LRP2: variants seen among roughly 807,000 people sequenced by gnomAD.
The protein encoded by LRP2 is LDL receptor related protein 2.
A neutral mutation model predicts 531.0 loss-of-function variants in LRP2; 172 were observed. That is an observed-to-expected ratio of 0.32 (90% confidence interval 0.29 to 0.37). The LOEUF (loss-of-function observed/expected upper bound fraction) is 0.37. Ranked by LOEUF, LRP2 falls within the 10% of genes least tolerant of loss-of-function variation. The pLI, the probability that LRP2 is intolerant of heterozygous loss-of-function variation, is 1.00. For synonymous variants in LRP2, 1,992 were observed against 2,027.6 expected (o/e 0.98, Z 0.47); for missense variants, 5,167 against 5,868.3 (o/e 0.88, Z 3.90).
At chr2:169,247,087 CA>C in intron 20 of LRP2, 101 bp from the exon 21 acceptor site, 1 of 1,345,050 alleles carries the variant, frequency 7.4e-7, no homozygotes, top group Non-Finnish European at 1.0e-6. Context: ...AAACATTTTT[CA>C]GACCCAATAC....
intron 63 of LRP2, among the ~76,000 whole-genome samples, chr2:169,161,293 A>G (rs1233557129): frequency 3.9e-5 from 6 of 152,236 alleles, no homozygotes; most frequent in Admixed American, 3.9e-4. Context: ...TAACTTGAGT[A>G]ACACATTAAA....
chr2:169,178,984 G>GATTGATTT lies in LRP2; in HGVS notation c.10170-959_10170-958insAAATCAAT, dbSNP rs1687319716. On this transcript the variant is annotated intron_variant, in intron 52 of 78. Transcript: ENST00000649046. ...AATGACCAGAAATTAGTCACCATCT[G>GATTGATTT]ATTTATTTATTTATTTATTTATTTA... Among the ~76,000 whole-genome samples, 9 of 146,096 alleles carry GATTGATTT rather than the reference G, an allele frequency of 6.2e-5. 1 individual carries two copies. The Middle Eastern group carries it at 0.014, about 227-fold the overall frequency.
intron 48 of LRP2, among the ~76,000 whole-genome samples, chr2:169,189,664 A>T (rs1687763153): frequency 6.6e-6 from 1 of 152,188 alleles, no homozygotes; most frequent in African/African-American, 2.4e-5. Flanking sequence ...CTCCTGTCCC[A>T]CTGTACCAAA....
rs563096733 is a variant in LRP2 at position 169,267,248 on chromosome 2, G to A, written c.2320+3656C>T. Among the ~76,000 whole-genome samples, 7 of 152,078 alleles carry A rather than the reference G, an allele frequency of 4.6e-5. No individual in the cohort carries two copies. The East Asian group carries it at 1.4e-3, about 29-fold the overall frequency. On this transcript the variant is annotated intron_variant, in intron 16 of 78. Transcript: ENST00000649046. ...TTCTCAATCTAAAACTATTTAGGAA[G>A]CTTAGTAAAATCTCTGCTTACATAA...
chr2:169,149,783 C>A (rs1272221065), intron 68 of LRP2, among the ~76,000 whole-genome samples: 4 of 151,496 alleles, frequency 2.6e-5, no homozygotes, highest in Non-Finnish European at 5.9e-5. Flanking sequence ...TTGCAGTGAG[C>A]CGAGATCATG....
intron 33 of LRP2, 45 bp downstream of exon 33, chr2:169,225,265 A>G (rs1271615708): frequency 6.3e-7 from 1 of 1,593,224 alleles, no homozygotes. Flanking sequence ...AGTTTACATC[A>G]ATCTAAATCC....
chr2:169,328,461 A>AG (rs1286012065), intron 1 of LRP2, among the ~76,000 whole-genome samples: 18 of 147,130 alleles, frequency 1.2e-4, no homozygotes, highest in Admixed American at 2.0e-4. Flanking sequence ...AAAAAAAAAA[A>AG]AAAGAAAAAA....
At chr2:169,265,337 A>G (rs1574197947) in intron 16 of LRP2, among the ~76,000 whole-genome samples, 1 of 152,070 alleles carries the variant, frequency 6.6e-6, no homozygotes, top group Non-Finnish European at 1.5e-5. Flanking sequence ...CCTGAAGCTC[A>G]CCAGCTGACA....
At position 169,181,678 on chromosome 2, in the gene LRP2, A is replaced by C. The variant is rs572042820; in HGVS notation, c.9999-60T>G. The C allele has an allele frequency of 6.2e-6, 9 of 1,460,136 alleles. No homozygotes were observed. In the East Asian group the frequency reaches 6.8e-5, roughly 11 times the overall value. 90.4% of individuals were successfully genotyped at this position (1,460,136 alleles called of 1,614,324 possible). On this transcript the variant is annotated intron_variant, in intron 51 of 78. Transcript: ENST00000649046. ...GCCAAAAGAAGTCAGTAGCCAAAAT[A>C]CACACCTTTTCTCCATTTAGAGAAA... is the stretch of plus-strand genomic sequence containing the variant.
At chr2:169,320,649 C>T in intron 2 of LRP2, 128 bp downstream of exon 2, 1 of 771,190 alleles carries the variant, frequency 1.3e-6, no homozygotes. Flanking sequence ...ACACAGATCT[C>T]AAAAGACTTG....
At chr2:169,254,687 T>C (rs1690234010) in intron 19 of LRP2, among the ~76,000 whole-genome samples, 2 of 148,686 alleles carry the variant, frequency 1.3e-5, no homozygotes, top group African/African-American at 5.0e-5. Context: ...TAAATAATTA[T>C]TGCTATTTTG....
At chr2:169,280,123 C>T (rs1009305964) in intron 11 of LRP2, among the ~76,000 whole-genome samples, 1 of 152,056 alleles carries the variant, frequency 6.6e-6, no homozygotes, top group South Asian at 2.1e-4. Flanking sequence ...GACTCCACTT[C>T]GAATAAAATT....
chr2:169,231,855 G>A lies in LRP2; in HGVS notation c.5099-13C>T. On this transcript the variant is annotated splice_polypyrimidine_tract_variant and intron_variant, in intron 30 of 78. Coordinates refer to ENST00000649046, the MANE Select transcript of LRP2 (RefSeq NM_004525.3). ...CATGGATTCACGGCTGCATGAGAAAGAGAAGAAAGCACCAGTAAGTGGAAA... is the reference window on the plus strand; with the variant it reads ...CATGGATTCACGGCTGCATGAGAAAAAGAAGAAAGCACCAGTAAGTGGAAA... 1.2e-6 allele frequency: 2 copies of A among 1,613,688 alleles called. No homozygotes were observed. The highest frequency in any genetic ancestry group is 8.5e-7 in the Non-Finnish European group (1 of 1,179,772).
At chr2:169,229,549 G>T (rs1559029251) in intron 31 of LRP2, among the ~76,000 whole-genome samples, 2 of 152,190 alleles carry the variant, frequency 1.3e-5, no homozygotes, top group Non-Finnish European at 2.9e-5. Context: ...TAGGGGTGCT[G>T]AGGTGATGTT....
In LRP2 at chr2:169,290,858, G is replaced by C; in HGVS notation, c.909C>G (p.Thr303=). The change falls in exon 8 of 79, where the codon ACC becomes ACG. Residue 303 remains threonine (T), a synonymous_variant. Transcript: ENST00000649046. ...GTCTATACTCACTACAGTATTTTCC[G>C]GTACTAGTGTTGTTTTCATCTTCTC... ...PGREDENNTS[T]GKYCSMTLCS... 1 of 1,613,972 alleles carries C rather than the reference G, an allele frequency of 6.2e-7. No homozygotes were observed. The highest frequency in any genetic ancestry group is 8.5e-7 in the Non-Finnish European group (1 of 1,179,972).
chr2:169,260,434 C>G (rs1251335707), intron 16 of LRP2, among the ~76,000 whole-genome samples: 1 of 151,996 alleles, frequency 6.6e-6, no homozygotes, highest in Non-Finnish European at 1.5e-5. Context: ...TTCATGATGA[C>G]CACCAGGTGG....
At chr2:169,136,782 A>AATAAAT (rs1288364128) in intron 76 of LRP2, among the ~76,000 whole-genome samples, 1 of 152,114 alleles carries the variant, frequency 6.6e-6, no homozygotes, top group Non-Finnish European at 1.5e-5. Context: ...ACCCAGGTGA[A>AATAAAT]ATAAATAGCC....
chr2:169,245,017 C>CT (rs1293847537), intron 21 of LRP2, 85 bp from the exon 22 acceptor site: 4 of 1,460,868 alleles, frequency 2.7e-6, no homozygotes, highest in Non-Finnish European at 2.9e-6. Flanking sequence ...CTCAGTTCAC[C>CT]TTTTTTAATG....
intron 57 of LRP2, 30 bp from the exon 58 acceptor site, chr2:169,172,164 A>G: frequency 6.2e-7 from 1 of 1,613,822 alleles, no homozygotes; most frequent in Non-Finnish European, 8.5e-7. Context: ...AAGACTTCAT[A>G]AACCATTGGC....
Sources: gnomAD v4.1 joint callset for allele counts (sites outside exome capture counted in the v4.1 genomes callset) on GRCh38, gnomAD v4.1.1 for gene constraint, MANE v1.5 for transcripts, NCBI Gene and HGNC (gene_info 2026-07-23, HGNC 2026-07-21) for gene names.